The following PDE1B variants were observed in gnomAD, a reference collection of about 807,000 sequenced individuals.
The protein encoded by PDE1B is dual specificity calcium/calmodulin-dependent 3',5'-cyclic nucleotide phosphodiesterase 1B.
PDE1B carries 13 observed loss-of-function variants against 66.7 expected under a neutral mutation model. The ratio of observed to expected loss-of-function variants is 0.19; its 90% CI spans 0.13 to 0.31. The LOEUF (loss-of-function observed/expected upper bound fraction) is 0.31, where lower values mean the gene tolerates loss of function less well. Among genes scored for constraint, PDE1B ranks in the 10% least tolerant of loss-of-function variants. PDE1B has a pLI of 1.00. For missense variants in PDE1B, 485 were observed against 682.3 expected (o/e 0.71, Z 3.22); for synonymous variants, 230 against 253.9 (o/e 0.91, Z 0.90).
intron 3 of PDE1B, 44 bp downstream of exon 3, chr12:54,567,131 T>C (rs368066017): frequency 3.7e-5 from 38 of 1,030,044 alleles, no homozygotes; most frequent in Non-Finnish European, 5.2e-5. Flanking sequence ...ATGTCAGACA[T>C]AGTGTTCCAG....
At chr12:54,568,467 T>TACACACACAC (rs56360853) in intron 3 of PDE1B, among the ~76,000 whole-genome samples, 3,139 of 143,416 alleles carry the variant, frequency 0.022, 81 homozygotes, top group African/African-American at 0.062. Context: ...TGTCTAAAAA[T>TACACACACAC]ACACACACAC....
intron 2 of PDE1B, chr12:54,561,535 G>T (rs1361174069): frequency 6.8e-7 from 1 of 1,468,300 alleles, no homozygotes; most frequent in Non-Finnish European, 9.0e-7. Context: ...GGGCCCTGGG[G>T]CTCCTGGGGT....
intron 14 of PDE1B, 33 bp downstream of exon 14, chr12:54,576,734 C>T: frequency 6.3e-7 from 1 of 1,575,216 alleles, no homozygotes; most frequent in Non-Finnish European, 8.6e-7. Context: ...GGGGTGAGAA[C>T]TTGTGTGGGT....
At chr12:54,558,129 C>T (rs1360456164) in intron 2 of PDE1B, among the ~76,000 whole-genome samples, 1 of 152,130 alleles carries the variant, frequency 6.6e-6, no homozygotes. Context: ...GGTCAGAAGG[C>T]ACAGGCACAG....
chr12:54,561,397 C>T (rs552123519), intron 2 of PDE1B: 206 of 1,197,600 alleles, frequency 1.7e-4, no homozygotes, highest in Non-Finnish European at 2.0e-4. Context: ...TAGGCTGGGT[C>T]TCTGCCTCCC....
chr12:54,555,147 A>C (rs1957327940), intron 2 of PDE1B, among the ~76,000 whole-genome samples: 1 of 152,216 alleles, frequency 6.6e-6, no homozygotes, highest in Non-Finnish European at 1.5e-5. Flanking sequence ...CTTCCTCCTT[A>C]TCATTTTTTC....
In PDE1B at chr12:54,549,675, G is replaced by C. The variant is rs1957245012; in HGVS notation, c.-111G>C. The C allele has an allele frequency of 2.0e-6, 1 of 492,080 alleles. No homozygotes were observed. Among genetic ancestry groups the C allele is most frequent in the Non-Finnish European group, 3.6e-6 (1 of 278,016 alleles). 30.5% of individuals were successfully genotyped at this position (492,080 alleles called of 1,614,324 possible). A position where few individuals can be genotyped will look rare whatever the true frequency, so the allele number is the denominator to read the frequency against. On this transcript the variant is annotated 5_prime_UTR_variant, in exon 1 of 16. Transcript: ENST00000243052. ...AGCTTGGACTGGGAGCCCAAAGCTC[G>C]GCTGGGCAGCGGGAGAGGAGGAGCC...
chr12:54,575,548 T>C lies in PDE1B; in HGVS notation c.1186-3T>C. The stretch of plus-strand genomic sequence containing the variant: ...AGCTTTCCTACCCTGTTCCCTCCTC[T>C]AGGGTGACAAGGAGGCAGAGTTGGG... On this transcript the variant is annotated splice_polypyrimidine_tract_variant and splice_region_variant and intron_variant, in intron 11 of 15. Transcript: ENST00000243052. The surrounding 1 kb of genome is among the most constrained non-coding windows in gnomAD (Gnocchi z 4.0). The C allele has an allele frequency of 7.5e-6, 12 of 1,604,618 alleles. No homozygotes were observed. The highest frequency in any genetic ancestry group is 1.0e-5 in the Non-Finnish European group (12 of 1,171,654).
intron 15 of PDE1B, 52 bp downstream of exon 15, chr12:54,577,397 C>G: frequency 6.2e-7 from 1 of 1,608,802 alleles, no homozygotes. Context: ...ATCATGGCAT[C>G]TTTGTTGGGT....
intron 2 of PDE1B, among the ~76,000 whole-genome samples, chr12:54,551,735 T>G (rs1424611824): frequency 1.3e-5 from 2 of 152,200 alleles, no homozygotes; most frequent in African/African-American, 4.8e-5. Context: ...TGTTGTTTCT[T>G]CCTTTAGTGT....
chr12:54,575,247 C>A lies in PDE1B; in HGVS notation c.1185+29C>A. 6.3e-7 allele frequency: 1 copy of A among 1,599,190 alleles called. No individual in the cohort carries two copies. Among genetic ancestry groups the A allele is most frequent in the Non-Finnish European group, 8.6e-7 (1 of 1,167,062 alleles). ...GCGTGGCATCTTTGCCTTCCCTGTG[C>A]CTATGGGGGCCTTCTCTCCCCTTTT... On this transcript the variant is annotated intron_variant, in intron 11 of 15. Transcript: ENST00000243052. The surrounding 1 kb of genome is among the most constrained non-coding windows in gnomAD (Gnocchi z 4.0).
rs200368683 is a variant in PDE1B, at chr12:54,570,216, C to G, written c.478-25C>G. The G allele has an allele frequency of 6.5e-5, 91 of 1,402,232 alleles. 2 individuals are homozygous for G. In the South Asian group the frequency reaches 9.3e-4, roughly 14 times the overall value. 86.9% of individuals were successfully genotyped at this position (1,402,232 alleles called of 1,614,324 possible). On this transcript the variant is annotated intron_variant, in intron 5 of 15. Coordinates refer to ENST00000243052, the MANE Select transcript of PDE1B (RefSeq NM_000924.4). ...TCAACCCTTGCTGCTGCTGGAAAGC[C>G]ACATAATCTATTGTTTCTCCATAGA...
intron 2 of PDE1B, among the ~76,000 whole-genome samples, chr12:54,558,994 A>G (rs2121053792): frequency 6.6e-6 from 1 of 152,330 alleles, no homozygotes; most frequent in Admixed American, 6.5e-5. Context: ...TGAAGCTCAG[A>G]GTGACTTTCC....
At chr12:54,572,968 G>C (rs1294521131) in intron 7 of PDE1B, among the ~76,000 whole-genome samples, 180 bp from the exon 8 acceptor site, 2 of 152,210 alleles carry the variant, frequency 1.3e-5, no homozygotes, top group African/African-American at 4.8e-5. Flanking sequence ...GAGTGTTGCA[G>C]GTTCGGATGG....
intron 14 of PDE1B, chr12:54,576,985 T>G (rs146435690): frequency 1.5e-5 from 9 of 606,160 alleles, no homozygotes; most frequent in African/African-American, 1.5e-4. Flanking sequence ...TAGATTTGGC[T>G]AATTTGGTGG....
intron 2 of PDE1B, among the ~76,000 whole-genome samples, chr12:54,557,733 G>T (rs3782404): frequency 0.27 from 40,470 of 152,130 alleles, 5,570 homozygotes; most frequent in East Asian, 0.33. Flanking sequence ...CAGGGCATCT[G>T]CTGGGAACAG....
intron 2 of PDE1B, among the ~76,000 whole-genome samples, chr12:54,558,021 G>T (rs909419524): frequency 6.6e-6 from 1 of 152,014 alleles, no homozygotes; most frequent in African/African-American, 2.4e-5. Flanking sequence ...GTTCTTATTG[G>T]TCTGGGCTGA....
Position 54,575,292 on chromosome 12 carries a change from C to T in PDE1B, c.1185+74C>T. ...CCTTTTGCCCTCCAAGTTCCCCAAT[C>T]CTGTTCCACATCCTCCTTTTGCTAC... On this transcript the variant is annotated intron_variant, in intron 11 of 15. Coordinates refer to ENST00000243052, the MANE Select transcript of PDE1B (RefSeq NM_000924.4). The surrounding 1 kb of genome is among the most constrained non-coding windows in gnomAD (Gnocchi z 4.0). 1 of 1,338,288 alleles carries T rather than the reference C, an allele frequency of 7.5e-7. No homozygotes were observed. The highest frequency in any genetic ancestry group is 1.1e-6 in the Non-Finnish European group (1 of 936,624). The allele number at this position is 1,338,288 out of a possible 1,614,324, so 82.9% of individuals were successfully genotyped here. A position where few individuals can be genotyped will look rare whatever the true frequency, so the allele number is the denominator to read the frequency against.
chr12:54,576,436 C>A, intron 13 of PDE1B, 135 bp from the exon 14 acceptor site: 1 of 972,896 alleles, frequency 1.0e-6, no homozygotes, highest in Non-Finnish European at 1.5e-6. Flanking sequence ...TGGGGAATAT[C>A]TAGTAGAGGA....
Sources: allele counts gnomAD v4.1 joint callset (sites outside exome capture counted in the v4.1 genomes callset), GRCh38; gene constraint gnomAD v4.1.1; non-coding constraint Gnocchi (gnomAD v3.1); transcripts MANE v1.5; gene names NCBI Gene and HGNC (gene_info 2026-07-23, HGNC 2026-07-21).